TAFA2: variants seen among roughly 807,000 people sequenced by gnomAD.
TAFA2 encodes the protein TAFA chemokine like family member 2, also known as chemokine-like protein TAFA-2.
TAFA2 carries 7 observed loss-of-function variants against 18.8 expected under a neutral mutation model. That is an observed-to-expected ratio of 0.37 (90% CI 0.21 to 0.70). The LOEUF (loss-of-function observed/expected upper bound fraction) is 0.70, where lower values mean the gene tolerates loss of function less well. TAFA2 is among the 30% of genes least tolerant of loss of function. The pLI, the probability that TAFA2 is intolerant of heterozygous loss-of-function variation, is 0.53. For synonymous variants in TAFA2, 60 were observed against 54.2 expected (o/e 1.11, Z -0.47); for missense variants, 122 against 158.1 (o/e 0.77, Z 1.23).
intron 1 of TAFA2, among the ~76,000 whole-genome samples, chr12:61,994,768 A>G (rs1880127998): frequency 1.3e-5 from 2 of 152,184 alleles, no homozygotes; most frequent in Admixed American, 1.3e-4. Flanking sequence ...GTGTATTCAC[A>G]GCTTTCTTCT....
At chr12:61,891,082 G>A (rs563297039) in intron 1 of TAFA2, among the ~76,000 whole-genome samples, 1 of 152,154 alleles carries the variant, frequency 6.6e-6, no homozygotes, top group Admixed American at 6.5e-5. Context: ...ATTAACAGAA[G>A]TAACATAGTC....
At chr12:61,735,457 T>C (rs1868289411) in intron 4 of TAFA2, among the ~76,000 whole-genome samples, 1 of 152,084 alleles carries the variant, frequency 6.6e-6, no homozygotes, top group Admixed American at 6.6e-5. Context: ...TCCATGCATA[T>C]ATACATTACA....
intron 1 of TAFA2, among the ~76,000 whole-genome samples, chr12:62,096,135 T>C (rs1868939366): frequency 6.6e-6 from 1 of 152,126 alleles, no homozygotes; most frequent in Non-Finnish European, 1.5e-5. Context: ...GGGTAACTGC[T>C]GGTTCTCTTA....
chr12:62,057,635 T>C (rs1882221293), intron 1 of TAFA2, among the ~76,000 whole-genome samples: 1 of 152,174 alleles, frequency 6.6e-6, no homozygotes, highest in African/African-American at 2.4e-5. Flanking sequence ...TTTCCTTGAG[T>C]TCCTTTTCTG....
At chr12:61,824,368 A>G (rs1872452390) in intron 2 of TAFA2, among the ~76,000 whole-genome samples, 1 of 152,196 alleles carries the variant, frequency 6.6e-6, no homozygotes, top group African/African-American at 2.4e-5. Context: ...GTGTTGTTTA[A>G]GCTGCTAAAA....
intron 2 of TAFA2, among the ~76,000 whole-genome samples, chr12:61,815,211 A>G (rs1872030464): frequency 6.6e-6 from 1 of 151,496 alleles, no homozygotes; most frequent in African/African-American, 2.5e-5. Context: ...TGGATCTATA[A>G]ATTTTAACTT....
Position 61,856,823 on chromosome 12 carries a change from ATGTT to A in TAFA2, c.106+10493_106+10496del, listed in dbSNP as rs550172231. On this transcript the variant is annotated intron_variant, in intron 2 of 4. Transcript: ENST00000416284. Reference sequence around the variant, plus strand: ...TGGGGAAAAACAGTTATATATGTGAATGTTTATTACAGCATTATTTTTACTAAAA... The same window carrying A: ...TGGGGAAAAACAGTTATATATGTGAATATTACAGCATTATTTTTACTAAAA... 1.6e-3 allele frequency among the ~76,000 whole-genome samples: 239 copies of A among 151,996 alleles called. 1 individual carries two copies. The highest frequency in any genetic ancestry group is 4.9e-3 in the African/African-American group (204 of 41,582).
intron 1 of TAFA2, among the ~76,000 whole-genome samples, chr12:62,117,643 T>C (rs78982714): frequency 0.022 from 3,345 of 152,220 alleles, 128 homozygotes; most frequent in African/African-American, 0.076. Context: ...ATAATTTAAG[T>C]GAGCACCAAG....
chr12:61,780,836 C>T (rs768941604), intron 2 of TAFA2, among the ~76,000 whole-genome samples: 4 of 151,818 alleles, frequency 2.6e-5, no homozygotes, highest in South Asian at 2.1e-4. Flanking sequence ...TATATTGCAA[C>T]GGTCTTAAAT....
chr12:61,785,408 C>T (rs1464975366), intron 2 of TAFA2, among the ~76,000 whole-genome samples: 2 of 149,978 alleles, frequency 1.3e-5, no homozygotes, highest in Admixed American at 6.7e-5. Context: ...CATTGTTAGA[C>T]ACCTAAGTTG....
chr12:61,919,910 AT>A (rs1318862739), intron 1 of TAFA2, among the ~76,000 whole-genome samples: 1 of 152,114 alleles, frequency 6.6e-6, no homozygotes, highest in Non-Finnish European at 1.5e-5. Context: ...AGGCAAATGC[AT>A]TTTTGCCTCG....
At chr12:61,837,220 T>A (rs1432434521) in intron 2 of TAFA2, among the ~76,000 whole-genome samples, 1 of 152,002 alleles carries the variant, frequency 6.6e-6, no homozygotes, top group Non-Finnish European at 1.5e-5. Context: ...AAAAATTCTA[T>A]ATGAAAACCA....
At chr12:62,046,821 T>C (rs1056813390) in intron 1 of TAFA2, among the ~76,000 whole-genome samples, 1 of 152,156 alleles carries the variant, frequency 6.6e-6, no homozygotes, top group Non-Finnish European at 1.5e-5. Context: ...GGGGATGTTA[T>C]TATTTCAACA....
chr12:62,186,383 T>C (rs2062586063), intron 1 of TAFA2, among the ~76,000 whole-genome samples: 1 of 152,122 alleles, frequency 6.6e-6, no homozygotes, highest in Non-Finnish European at 1.5e-5. Context: ...CTTTGAACTT[T>C]CCAGGCTTCA....
At chr12:61,716,405 G>C (rs1869661889) in intron 4 of TAFA2, among the ~76,000 whole-genome samples, 1 of 152,056 alleles carries the variant, frequency 6.6e-6, no homozygotes, top group Non-Finnish European at 1.5e-5. Context: ...ATGCAGATTT[G>C]CAAATTTCCC....
At chr12:62,134,679 G>C (rs769749128) in intron 1 of TAFA2, among the ~76,000 whole-genome samples, 2 of 152,016 alleles carry the variant, frequency 1.3e-5, no homozygotes, top group South Asian at 4.1e-4. Context: ...CACTAGAAAG[G>C]AAAATCCATG....
chr12:62,157,087 A>G (rs746889668), intron 1 of TAFA2, among the ~76,000 whole-genome samples: 1 of 152,186 alleles, frequency 6.6e-6, no homozygotes, highest in African/African-American at 2.4e-5. Flanking sequence ...GCAGTTTGTG[A>G]ATTAAAATGC....
intron 1 of TAFA2, among the ~76,000 whole-genome samples, chr12:61,875,032 A>T (rs1166018969): frequency 6.6e-6 from 1 of 152,162 alleles, no homozygotes; most frequent in Admixed American, 6.5e-5. Flanking sequence ...CTTATAAGTC[A>T]GAAAAACCAA....
rs1869261103 is a variant in TAFA2 at position 61,708,823 on chromosome 12, G to T, written c.*1583C>A. On this transcript the variant is annotated 3_prime_UTR_variant, in exon 5 of 5. Transcript: ENST00000416284. ...AGTAGTGTTTTGGCCTTTGAATATT[G>T]TCACAAACTAATAGACCAAAGCTCC... 1.3e-5 allele frequency: 2 copies of T among 151,976 alleles called. No individual in the cohort carries two copies. Among genetic ancestry groups the T allele is most frequent in the South Asian group, 4.2e-4 (2 of 4,818 alleles). The allele number at this position is 151,976 out of a possible 1,614,324, so 9.4% of individuals were successfully genotyped here. A position where few individuals can be genotyped will look rare whatever the true frequency, so the allele number is the denominator to read the frequency against.
Sources: gnomAD v4.1 joint callset for allele counts (sites outside exome capture counted in the v4.1 genomes callset) on GRCh38, gnomAD v4.1.1 for gene constraint, MANE v1.5 for transcripts, NCBI Gene and HGNC (gene_info 2026-07-23, HGNC 2026-07-21) for gene names.